Variants in EFR3B observed in about 807,000 individuals in gnomAD.
EFR3B encodes protein EFR3 homolog B.
A neutral mutation model predicts 104.7 loss-of-function variants in EFR3B; 64 were observed. The ratio of observed to expected loss-of-function variants is 0.61; its 90% CI spans 0.50 to 0.75. The LOEUF is 0.75. Among genes scored for constraint, EFR3B ranks in the 30% least tolerant of loss-of-function variants. The probability of loss-of-function intolerance (pLI) is 0.00; values close to 1 mark genes in which losing one functional copy is unlikely to be tolerated. For missense variants in EFR3B, 750 were observed against 1,078.5 expected (o/e 0.70, Z 4.27); for synonymous variants, 385 against 417.9 (o/e 0.92, Z 0.96).
Position 25,155,674 on chromosome 2 carries a change from C to G in EFR3B, c.*1334C>G, listed in dbSNP as rs1199316066. On this transcript the variant is annotated 3_prime_UTR_variant, in exon 23 of 23. Transcript: ENST00000403714. Reference sequence around the variant, plus strand: ...TGACAGAACCTCACCTGGGGCTCCTCCCATGGCAGTGCCATGTGGTCCAAA... The same window carrying G: ...TGACAGAACCTCACCTGGGGCTCCTGCCATGGCAGTGCCATGTGGTCCAAA... 1 of 152,194 alleles carries G rather than the reference C, an allele frequency of 6.6e-6. No individual in the cohort carries two copies. Among genetic ancestry groups the G allele is most frequent in the African/African-American group, 2.4e-5 (1 of 41,432 alleles). The allele number at this position is 152,194 out of a possible 1,614,324, so 9.4% of individuals were successfully genotyped here.
intron 19 of EFR3B, 80 bp downstream of exon 19, chr2:25,145,131 T>C (rs1292289189): frequency 3.1e-6 from 4 of 1,307,584 alleles, no homozygotes; most frequent in East Asian, 5.0e-5. Flanking sequence ...CCTGCCTGCA[T>C]AGTGGGCTTA....
At chr2:25,132,756 C>A in intron 10 of EFR3B, 147 bp from the exon 11 acceptor site, 1 of 659,250 alleles carries the variant, frequency 1.5e-6, no homozygotes, top group Non-Finnish European at 2.6e-6. Context: ...GAGGCCGAAT[C>A]ACACCCGGGC....
intron 4 of EFR3B, among the ~76,000 whole-genome samples, chr2:25,121,440 C>T (rs1276828255): frequency 6.6e-6 from 1 of 152,194 alleles, no homozygotes; most frequent in African/African-American, 2.4e-5. Flanking sequence ...GTCCTCTGCT[C>T]CCGCAGCAGG....
At chr2:25,125,260 C>T (rs1206766908) in intron 5 of EFR3B, among the ~76,000 whole-genome samples, 1 of 152,162 alleles carries the variant, frequency 6.6e-6, no homozygotes, top group Non-Finnish European at 1.5e-5. Flanking sequence ...TTCACATGTA[C>T]ACATAAGGGA....
At chr2:25,087,999 A>AT (rs796870224) in intron 1 of EFR3B, among the ~76,000 whole-genome samples, 64 of 150,890 alleles carry the variant, frequency 4.2e-4, no homozygotes, top group African/African-American at 1.3e-3. Flanking sequence ...GTATATGTTC[A>AT]TTTTTTTTTG....
At chr2:25,091,182 G>T (rs1019125415) in intron 1 of EFR3B, 143 bp from the exon 2 acceptor site, 16 of 686,138 alleles carry the variant, frequency 2.3e-5, no homozygotes, top group South Asian at 2.0e-4. Context: ...GGAGGACAAG[G>T]CCCCGAGCCC....
intron 1 of EFR3B, among the ~76,000 whole-genome samples, chr2:25,071,719 C>T (rs898658059): frequency 2.0e-5 from 3 of 152,106 alleles, no homozygotes; most frequent in Non-Finnish European, 2.9e-5. Flanking sequence ...TCTTGTTTGT[C>T]GCCGAAATTA....
rs946161881 is a variant in EFR3B at position 25,093,247 on chromosome 2, C to A, written c.212+117C>A. On this transcript the variant is annotated intron_variant, in intron 3 of 22. Coordinates refer to ENST00000403714, the MANE Select transcript of EFR3B (RefSeq NM_014971.2). ...GAGTGGCTCACGCCTGTAATCCCAG[C>A]GCTTTGGGAGGTCAAGGTGGGAGGA... is the stretch of plus-strand genomic sequence containing the variant. The A allele has an allele frequency of 2.8e-5, 38 of 1,353,652 alleles. No individual in the cohort carries two copies. In the East Asian group the frequency reaches 3.9e-4, roughly 14 times the overall value. 83.9% of individuals were successfully genotyped at this position (1,353,652 alleles called of 1,614,324 possible).
chr2:25,068,584 C>G (rs1032413272), intron 1 of EFR3B, among the ~76,000 whole-genome samples: 6 of 151,744 alleles, frequency 4.0e-5, no homozygotes, highest in African/African-American at 1.5e-4. Context: ...ATGAATAAAA[C>G]AAAGATTCAC....
chr2:25,091,272 T>C (rs981194475), intron 1 of EFR3B, 53 bp from the exon 2 acceptor site: 21 of 1,532,362 alleles, frequency 1.4e-5, no homozygotes, highest in African/African-American at 6.9e-5. Flanking sequence ...CTCCAACCTT[T>C]CCTGGGCCCG....
chr2:25,052,496 C>CTTTTTTTTTTTTTTTTTTTTTTTTTT (rs56005417), intron 1 of EFR3B, among the ~76,000 whole-genome samples: 1 of 95,726 alleles, frequency 1.0e-5, no homozygotes, highest in Non-Finnish European at 1.9e-5. Flanking sequence ...AGGCAGAATT[C>CTTTTTTTTTTTTTTTTTTTTTTTTTT]TTTTTTTTTT....
chr2:25,141,106 G>C (rs967238485), intron 16 of EFR3B, among the ~76,000 whole-genome samples: 3 of 151,498 alleles, frequency 2.0e-5, no homozygotes, highest in Non-Finnish European at 2.9e-5. Context: ...TCTCTTAAGA[G>C]TTAAGTTCCC....
chr2:25,060,945 C>CAAA (rs1170347918), intron 1 of EFR3B, among the ~76,000 whole-genome samples: 1 of 150,100 alleles, frequency 6.7e-6, no homozygotes, highest in Non-Finnish European at 1.5e-5. Flanking sequence ...CAAACAACAA[C>CAAA]AACAACAAAA....
intron 1 of EFR3B, among the ~76,000 whole-genome samples, chr2:25,066,043 C>T (rs1008378711): frequency 1.3e-5 from 2 of 152,142 alleles, no homozygotes; most frequent in Non-Finnish European, 1.5e-5. Context: ...AGTCAGAAGC[C>T]TCTGCTTTCC....
rs897537307 is a variant in EFR3B at position 25,141,276 on chromosome 2, G to C, written c.1855-90G>C. The C allele has an allele frequency of 5.1e-6, 7 of 1,365,820 alleles. No individual in the cohort carries two copies. In the African/African-American group the frequency reaches 1.0e-4, roughly 20 times the overall value. 84.6% of individuals were successfully genotyped at this position (1,365,820 alleles called of 1,614,324 possible). A position where few individuals can be genotyped will look rare whatever the true frequency, so the allele number is the denominator to read the frequency against. ...CTGAGGAGGCTGTGGGAGGGAGGAA[G>C]CACCGAGCCGGGCATGGGAGCTCTT... On this transcript the variant is annotated intron_variant, in intron 16 of 22. Transcript: ENST00000403714.
Position 25,109,628 on chromosome 2 carries a change from C to A in EFR3B, c.363+5841C>A, listed in dbSNP as rs374608142. ...AAGGTAGAAACAACCAAAAAGGTCA[C>A]CTATTTATCGTCCCATGTATATGAG... is the stretch of plus-strand genomic sequence containing the variant. On this transcript the variant is annotated intron_variant, in intron 4 of 22. Coordinates refer to ENST00000403714, the MANE Select transcript of EFR3B (RefSeq NM_014971.2). Among the ~76,000 whole-genome samples, 28 of 152,260 alleles carry A rather than the reference C, an allele frequency of 1.8e-4. 1 individual carries two copies. In the South Asian group the frequency reaches 5.8e-3, roughly 32 times the overall value.
At chr2:25,128,790 C>G (rs1421982138) in intron 6 of EFR3B, among the ~76,000 whole-genome samples, 1 of 150,716 alleles carries the variant, frequency 6.6e-6, no homozygotes, top group Non-Finnish European at 1.5e-5. Context: ...AACCGCGTCT[C>G]TACTAAAAAA....
intron 20 of EFR3B, 76 bp from the exon 21 acceptor site, chr2:25,151,838 C>T (rs2149215088): frequency 1.3e-6 from 2 of 1,483,012 alleles, no homozygotes; most frequent in South Asian, 1.2e-5. Flanking sequence ...TGCTCATGGA[C>T]AGTGCTCCCT....
In EFR3B at chr2:25,091,070, A is replaced by T. The variant is rs532354099; in HGVS notation, c.8-255A>T. Among the ~76,000 whole-genome samples the T allele has an allele frequency of 2.6e-5, 4 of 152,270 alleles. No homozygotes were observed. The South Asian group carries it at 6.2e-4, about 24-fold the overall frequency. ...CCTGTGGCCTGGCCTTGCATATGGC[A>T]CTGTGCCCAACCCCCAAGCAAAAGA... On this transcript the variant is annotated intron_variant, in intron 1 of 22. Transcript: ENST00000403714.
Sources: allele counts gnomAD v4.1 joint callset (sites outside exome capture counted in the v4.1 genomes callset), GRCh38; gene constraint gnomAD v4.1.1; transcripts MANE v1.5; gene names NCBI Gene and HGNC (gene_info 2026-07-23, HGNC 2026-07-21).